The following DNAJC13 variants were observed in gnomAD, a reference collection of about 807,000 sequenced individuals.
DNAJC13 encodes the protein DnaJ heat shock protein family (Hsp40) member C13.
DNAJC13 carries 75 observed loss-of-function variants against 290.5 expected under a neutral mutation model. That is an observed-to-expected ratio of 0.26 (90% confidence interval 0.21 to 0.31). DNAJC13 has a LOEUF of 0.31. DNAJC13 is among the 10% of genes least tolerant of loss of function. DNAJC13 has a pLI of 1.00. For synonymous variants in DNAJC13, 862 were observed against 892.0 expected, an observed-to-expected ratio of 0.97 and a Z score of 0.60; for missense variants, 2,260 against 2,674.5, an observed-to-expected ratio of 0.85 and a Z score of 3.42.
At chr3:132,470,759 A>C in intron 20 of DNAJC13, among the ~76,000 whole-genome samples, 1 of 94,550 alleles carries the variant, frequency 1.1e-5, no homozygotes, top group Non-Finnish European at 2.2e-5. Context: ...GGCGCCCCTC[A>C]CCTCCCAGAC....
At chr3:132,456,929 A>G (rs1933617648) in intron 12 of DNAJC13, 97 bp downstream of exon 12, 2 of 1,342,990 alleles carry the variant, frequency 1.5e-6, no homozygotes, top group African/African-American at 2.9e-5. Flanking sequence ...TGACTAAACC[A>G]GATACCTTTT....
rs932610592 is a variant in DNAJC13 at position 132,523,624 on chromosome 3, C to A, written c.5971C>A (p.Gln1991Lys). The change falls in exon 51 of 56, where the codon CAA becomes AAA. Residue 1991 changes from glutamine (Q) to lysine (K), a missense_variant. Gln to Lys is a moderately conservative substitution (Grantham distance 53, BLOSUM62 1). Around this residue, in one of 3 missense-constraint regions of DNAJC13, gnomAD observed 1,494 missense variants for 1,693.7 expected, o/e 0.88. Transcript: ENST00000260818. ...GGVFLRIFIA[Q>K]PAWVLRKPRE... ...AGTCTTCTTGAGGATCTTTATTGCA[C>A]AACCAGCCTGGGTTCTAAGAAAGCC... 17 of 1,613,960 alleles carry A rather than the reference C, an allele frequency of 1.1e-5. No individual in the cohort carries two copies. Among genetic ancestry groups the A allele is most frequent in the Admixed American group, 3.3e-5 (2 of 60,000 alleles).
intron 29 of DNAJC13, among the ~76,000 whole-genome samples, chr3:132,485,629 AG>A (rs1487563384): frequency 6.6e-6 from 1 of 152,170 alleles, no homozygotes; most frequent in African/African-American, 2.4e-5. Flanking sequence ...GACTACTGGG[AG>A]GTACACCAGC....
At position 132,528,267 on chromosome 3, in the gene DNAJC13, G is replaced by A. The variant is rs747652218; in HGVS notation, c.6460G>A (p.Ala2154Thr). ...IGLENLDSPA[A>T]TKAQIVKALK... Reference sequence around the variant, plus strand: ...CCTTGAAAACCTGGACAGCCCAGCAGCCACTAAGGCTCAGATTGTTAAAGC... The same window carrying A: ...CCTTGAAAACCTGGACAGCCCAGCAACCACTAAGGCTCAGATTGTTAAAGC... The change falls in exon 54 of 56, where the codon GCC (alanine) becomes ACC (threonine). Residue 2154 changes from alanine (A) to threonine (T), a missense_variant. By Grantham distance (58) the Ala-to-Thr change is moderately conservative. Around this residue, in one of 3 missense-constraint regions of DNAJC13, gnomAD observed 1,494 missense variants for 1,693.7 expected, o/e 0.88. Transcript: ENST00000260818. 2.5e-6 allele frequency: 4 copies of A among 1,614,068 alleles called. No individual in the cohort carries two copies. The highest frequency in any genetic ancestry group is 3.4e-6 in the Non-Finnish European group (4 of 1,180,020).
chr3:132,417,940 G>C (rs1938839998), intron 1 of DNAJC13, among the ~76,000 whole-genome samples, 180 bp downstream of exon 1: 1 of 151,986 alleles, frequency 6.6e-6, no homozygotes, highest in Admixed American at 6.5e-5. Flanking sequence ...TTCGTTGGAC[G>C]CCCCCCCGGC....
chr3:132,517,602 G>A (rs1291138613), intron 48 of DNAJC13, among the ~76,000 whole-genome samples: 1 of 151,992 alleles, frequency 6.6e-6, no homozygotes, highest in Non-Finnish European at 1.5e-5. Flanking sequence ...TGCTTCCAAA[G>A]TGATTCTTTT....
At chr3:132,518,548 G>A (rs1935992209) in intron 48 of DNAJC13, among the ~76,000 whole-genome samples, 1 of 152,052 alleles carries the variant, frequency 6.6e-6, no homozygotes, top group African/African-American at 2.4e-5. Context: ...GAGGTGGAAA[G>A]GTTTGGCCAT....
intron 21 of DNAJC13, chr3:132,474,114 T>C (rs1934379635): frequency 6.6e-6 from 1 of 152,242 alleles, no homozygotes; most frequent in Non-Finnish European, 1.5e-5. Context: ...CTTTCTTGGG[T>C]AGTCTGTAAA....
intron 1 of DNAJC13, among the ~76,000 whole-genome samples, chr3:132,433,669 C>CT (rs1246657246): frequency 3.3e-5 from 5 of 152,202 alleles, no homozygotes; most frequent in African/African-American, 1.2e-4. Context: ...CACCAAAAAA[C>CT]TTTTGGAACT....
intron 2 of DNAJC13, among the ~76,000 whole-genome samples, chr3:132,439,201 A>G (rs1308193622): frequency 6.6e-6 from 1 of 152,186 alleles, no homozygotes; most frequent in African/African-American, 2.4e-5. Context: ...AGGATATGTA[A>G]TGATCAGTCT....
At chr3:132,440,601 C>T (rs146070768) in intron 2 of DNAJC13, among the ~76,000 whole-genome samples, 4 of 152,148 alleles carry the variant, frequency 2.6e-5, no homozygotes, top group Admixed American at 6.5e-5. Context: ...GGTACAGTAA[C>T]GTTGTACACT....
intron 1 of DNAJC13, 114 bp from the exon 2 acceptor site, chr3:132,434,424 T>A: frequency 1.5e-6 from 1 of 655,206 alleles, no homozygotes; most frequent in Non-Finnish European, 2.6e-6. Context: ...TTGTAAAGGA[T>A]ATACGGCAGG....
At chr3:132,533,797 A>T (rs1290303510) in intron 55 of DNAJC13, among the ~76,000 whole-genome samples, 1 of 152,224 alleles carries the variant, frequency 6.6e-6, no homozygotes, top group Non-Finnish European at 1.5e-5. Flanking sequence ...GAAATAAAAA[A>T]CATATGTCCT....
At position 132,418,095 on chromosome 3, in the gene DNAJC13, A is replaced by G. The variant is rs549043459; in HGVS notation, c.-14+335A>G. Among the ~76,000 whole-genome samples the G allele has an allele frequency of 5.9e-5, 9 of 151,926 alleles. No individual in the cohort carries two copies. The East Asian group carries it at 1.8e-3, about 30-fold the overall frequency. On this transcript the variant is annotated intron_variant, in intron 1 of 55. Coordinates refer to ENST00000260818, the MANE Select transcript of DNAJC13 (RefSeq NM_015268.4). Reference sequence around the variant, plus strand: ...TTCCCTTGTGGGTTCCGCCCTCGGGATTCCCTTCCAGTCTCCTAGTCTGAG... The same window carrying G: ...TTCCCTTGTGGGTTCCGCCCTCGGGGTTCCCTTCCAGTCTCCTAGTCTGAG...
At chr3:132,518,940 A>C (rs1310048675) in intron 48 of DNAJC13, among the ~76,000 whole-genome samples, 5 of 152,186 alleles carry the variant, frequency 3.3e-5, no homozygotes, top group Admixed American at 2.0e-4. Flanking sequence ...AAATGGAATC[A>C]TACTATGTAT....
At chr3:132,524,015 T>C (rs1036630648) in intron 51 of DNAJC13, 3 of 235,374 alleles carry the variant, frequency 1.3e-5, no homozygotes, top group African/African-American at 6.8e-5. Flanking sequence ...GAATATGTAA[T>C]TTTAAGGAGA....
intron 6 of DNAJC13, among the ~76,000 whole-genome samples, chr3:132,451,448 G>T (rs1933412178): frequency 6.6e-6 from 1 of 152,112 alleles, no homozygotes; most frequent in African/African-American, 2.4e-5. Flanking sequence ...CTGAAATTCA[G>T]AATTATATAT....
chr3:132,471,381 C>G (rs1429351646), intron 20 of DNAJC13, among the ~76,000 whole-genome samples: 6 of 143,870 alleles, frequency 4.2e-5, no homozygotes, highest in African/African-American at 1.5e-4. Flanking sequence ...GGGTGGCTGC[C>G]GGGCGGAGAT....
chr3:132,457,309 A>C lies in DNAJC13; in HGVS notation c.1390A>C (p.Lys464Gln), dbSNP rs756433682. The change falls in exon 13 of 56, where the codon AAA becomes CAA. Residue 464 changes from lysine (K) to glutamine (Q), a missense_variant. By Grantham distance (53) the Lys-to-Gln change is moderately conservative (BLOSUM62 1). Around this residue, in one of 3 missense-constraint regions of DNAJC13, gnomAD observed 762 missense variants for 964.1 expected, o/e 0.79. Coordinates refer to ENST00000260818, the MANE Select transcript of DNAJC13 (RefSeq NM_015268.4). ...RLGVKVVKAL[K>Q]RSNNGIIHAA... Reference sequence around the variant, plus strand: ...AGGGGTGAAGGTAGTAAAAGCACTCAAAAGAAGCAACAACGGAATAATCCA... The same window carrying C: ...AGGGGTGAAGGTAGTAAAAGCACTCCAAAGAAGCAACAACGGAATAATCCA... The C allele has an allele frequency of 6.2e-7, 1 of 1,613,530 alleles. No homozygotes were observed. The highest frequency in any genetic ancestry group is 8.5e-7 in the Non-Finnish European group (1 of 1,179,730).
Sources: allele counts gnomAD v4.1 joint callset (sites outside exome capture counted in the v4.1 genomes callset), GRCh38; gene constraint gnomAD v4.1.1; regional missense constraint gnomAD v4.1.1; transcripts MANE v1.5; gene names NCBI Gene and HGNC (gene_info 2026-07-23, HGNC 2026-07-21).